The following IDH3B variants were observed in gnomAD, a reference collection of about 807,000 sequenced individuals.
IDH3B encodes isocitrate dehydrogenase [NAD] subunit beta, mitochondrial.
In IDH3B, 40 loss-of-function variants were observed where a neutral mutation model predicts 47.5. The ratio of observed to expected loss-of-function variants is 0.84; its 90% confidence interval spans 0.65 to 1.10. IDH3B has a LOEUF of 1.10. IDH3B is among the 50% of genes least tolerant of loss of function. The pLI is 0.00. For synonymous variants in IDH3B, 185 were observed against 191.0 expected, an observed-to-expected ratio of 0.97 and a Z score of 0.26; for missense variants, 450 against 505.2, an observed-to-expected ratio of 0.89 and a Z score of 1.05.
At chr20:2,663,341 C>G in intron 4 of IDH3B, 105 bp downstream of exon 4, 1 of 1,359,280 alleles carries the variant, frequency 7.4e-7, no homozygotes. Flanking sequence ...GGTGGTTGCC[C>G]TGGAGTTAAT....
At chr20:2,659,908 G>T in intron 9 of IDH3B, 115 bp from the exon 10 acceptor site, 1 of 1,462,570 alleles carries the variant, frequency 6.8e-7, no homozygotes, top group South Asian at 1.1e-5. Flanking sequence ...ACTGAAAAGA[G>T]GCATGGTGGG....
In IDH3B at chr20:2,658,830, GTC is replaced by G; in HGVS notation, c.1077_1078del (p.Thr360SerfsTer23). ...GGTGCTGTAGCCGCCCATGTCTCGA[GTC>G]CGCACCTACAGCCACCACCGGCAAC... is the stretch of plus-strand genomic sequence containing the variant. On this transcript the variant is annotated frameshift_variant, in exon 12 of 12. Transcript: ENST00000380843. LOFTEE classifies it high-confidence loss of function. 1 of 1,614,084 alleles carries G rather than the reference GTC, an allele frequency of 6.2e-7. No homozygotes were observed. The highest frequency in any genetic ancestry group is 8.5e-7 in the Non-Finnish European group (1 of 1,180,028).
In IDH3B at chr20:2,659,794, C is replaced by T; in HGVS notation, c.916-1G>A. 1.9e-6 allele frequency: 3 copies of T among 1,611,308 alleles called. No homozygotes were observed. Among genetic ancestry groups the T allele is most frequent in the Non-Finnish European group, 2.5e-6 (3 of 1,177,442 alleles). On this transcript the variant is annotated splice_acceptor_variant, in intron 9 of 11. Transcript: ENST00000380843. LOFTEE classifies it high-confidence loss of function. ...CCTGGGCAAATGGGTGCCGGGCACC[C>T]TGTGGAGAGAGGGGCAGGCTAGACA...
chr20:2,663,950 G>A lies in IDH3B; in HGVS notation c.92C>T (p.Ala31Val). ...GAWRGLSTSAAAHAASRSQAE... is the reference protein window; with the variant it reads ...GAWRGLSTSAVAHAASRSQAE... ...CTGGCTCCGCGATGCAGCGTGCGCC[G>A]CGGCCGAGGTACTCAGACCTCTCCA... The change falls in exon 2 of 12, where the codon GCG becomes GTG. Residue 31 changes from alanine (A) to valine (V), a missense_variant. Physicochemically the swap from Ala to Val is moderately conservative, Grantham distance 64. Transcript: ENST00000380843. 1.2e-6 allele frequency: 2 copies of A among 1,614,096 alleles called. No individual in the cohort carries two copies. Among genetic ancestry groups the A allele is most frequent in the Non-Finnish European group, 1.7e-6 (2 of 1,180,018 alleles).
Position 2,663,756 on chromosome 20 carries a change from G to A in IDH3B, c.120C>T (p.Ala40=), listed in dbSNP as rs150070871. ...AAAHAASRSQ[A]EDVRVEGSFP... ...AGGAGCCCTCCACCCTCACGTCCTC[G>A]GCCTCAATTGGGGGAAGAGGGGAGA... is the stretch of plus-strand genomic sequence containing the variant. Residue 40 remains alanine (A), a splice_region_variant and synonymous_variant, in exon 3 of 12, where the codon GCC becomes GCT. Coordinates refer to ENST00000380843, the MANE Select transcript of IDH3B (RefSeq NM_006899.5). The A allele has an allele frequency of 5.0e-6, 8 of 1,613,880 alleles. No individual in the cohort carries two copies. In the African/African-American group the frequency reaches 9.3e-5, roughly 19 times the overall value.
chr20:2,663,372 GA>G (rs1172734184), intron 4 of IDH3B, 73 bp downstream of exon 4: 1 of 1,549,566 alleles, frequency 6.5e-7, no homozygotes, highest in Non-Finnish European at 8.9e-7. Context: ...AGCATGTGGG[GA>G]GAAGGGCTTA....
chr20:2,662,725 C>T (rs1051520206), intron 4 of IDH3B, among the ~76,000 whole-genome samples: 13 of 151,838 alleles, frequency 8.6e-5, no homozygotes, highest in African/African-American at 2.2e-4. Flanking sequence ...GAGGCCAAGG[C>T]GGGCAGATCA....
chr20:2,663,733 G>A lies in IDH3B; in HGVS notation c.143C>T (p.Ser48Phe), dbSNP rs1318009865. The A allele has an allele frequency of 6.2e-7, 1 of 1,614,200 alleles. No homozygotes were observed. Among genetic ancestry groups the A allele is most frequent in the African/African-American group, 1.3e-5 (1 of 75,058 alleles). ...SQAEDVRVEG[S>F]FPVTMLPGDG... ...TCCCGGAAGCATGGTCACGGGAAAG[G>A]AGCCCTCCACCCTCACGTCCTCGGC... Residue 48 changes from serine to phenylalanine, a missense_variant, in exon 3 of 12, where the codon TCC becomes TTC. Transcript: ENST00000380843.
Position 2,659,808 on chromosome 20 carries a change from G to A in IDH3B, c.916-15C>T. On this transcript the variant is annotated splice_polypyrimidine_tract_variant and intron_variant, in intron 9 of 11. Transcript: ENST00000380843. ...TGCCGGGCACCCTGTGGAGAGAGGG[G>A]CAGGCTAGACACTGGGAGGAGGCAG... 2 of 1,597,390 alleles carry A rather than the reference G, an allele frequency of 1.3e-6. No homozygotes were observed. The highest frequency in any genetic ancestry group is 2.2e-5 in the South Asian group (2 of 90,744).
intron 1 of IDH3B, 34 bp downstream of exon 1, chr20:2,664,119 G>T (rs753830567): frequency 2.5e-6 from 4 of 1,607,168 alleles, no homozygotes; most frequent in Non-Finnish European, 3.4e-6. Flanking sequence ...CCGCTCCTTC[G>T]CCCGCCCCTG....
chr20:2,659,959 GA>G, intron 9 of IDH3B, 70 bp downstream of exon 9: 1 of 1,590,242 alleles, frequency 6.3e-7, no homozygotes. Context: ...TTAGGAAGTG[GA>G]GATATTGGGA....
At chr20:2,663,602 G>A in intron 3 of IDH3B, 36 bp from the exon 4 acceptor site, 2 of 1,614,118 alleles carry the variant, frequency 1.2e-6, no homozygotes, top group East Asian at 2.2e-5. Flanking sequence ...CACAGTCAAG[G>A]CCAAGTCCTT....
intron 2 of IDH3B, 41 bp from the exon 3 acceptor site, chr20:2,663,799 G>A (rs1187027940): frequency 2.1e-5 from 33 of 1,608,422 alleles, no homozygotes; most frequent in Non-Finnish European, 2.6e-5. Context: ...ATAGAGCTGG[G>A]GCGGGAGCAC....
At position 2,660,858 on chromosome 20, in the gene IDH3B, C is replaced by T. The variant is rs946590951; in HGVS notation, c.399-29G>A. 3.7e-6 allele frequency: 6 copies of T among 1,614,186 alleles called. No homozygotes were observed. The highest frequency in any genetic ancestry group is 4.5e-5 in the East Asian group (2 of 44,878). ...AGGGTGGGCAGGGCCATCAGCTCTG[C>T]TCCTGGTGCCCTGGCACCTCTCAAC... On this transcript the variant is annotated intron_variant, in intron 5 of 11. Transcript: ENST00000380843. This position sits in a 1 kb window ranked among gnomAD's most constrained non-coding sequence, Gnocchi z 5.6.
chr20:2,660,831 T>C lies in IDH3B; in HGVS notation c.399-2A>G. Reference sequence around the variant, plus strand: ...TTGGCAAATAAGTCCAACTTACGCCTGAGGGTGGGCAGGGCCATCAGCTCT... The same window carrying C: ...TTGGCAAATAAGTCCAACTTACGCCCGAGGGTGGGCAGGGCCATCAGCTCT... On this transcript the variant is annotated splice_acceptor_variant, in intron 5 of 11. Transcript: ENST00000380843. LOFTEE classifies it high-confidence loss of function. The surrounding 1 kb of genome is among the most constrained non-coding windows in gnomAD (Gnocchi z 5.6). 1 of 1,614,192 alleles carries C rather than the reference T, an allele frequency of 6.2e-7. No individual in the cohort carries two copies. Among genetic ancestry groups the C allele is most frequent in the Non-Finnish European group, 8.5e-7 (1 of 1,180,038 alleles).
At chr20:2,662,403 A>G (rs1460964068) in intron 4 of IDH3B, among the ~76,000 whole-genome samples, 1 of 152,220 alleles carries the variant, frequency 6.6e-6, no homozygotes, top group African/African-American at 2.4e-5. Context: ...TGACTTTCCT[A>G]TGGTAAGGCT....
chr20:2,660,715 G>A lies in IDH3B; in HGVS notation c.513C>T (p.Tyr171=), dbSNP rs1600169736. The change falls in exon 6 of 12, where the codon TAC becomes TAT. Residue 171 remains tyrosine (Y), a synonymous_variant. Coordinates refer to ENST00000380843, the MANE Select transcript of IDH3B (RefSeq NM_006899.5). This position sits in a 1 kb window ranked among gnomAD's most constrained non-coding sequence, Gnocchi z 5.6. ...VIIREQTEGE[Y]SSLEHESARG... ...GCCTCACCTCATGTTCCAGAGAGCT[G>A]TACTCCCCTTCTGTCTGCTCTCGAA... 1.2e-6 allele frequency: 2 copies of A among 1,614,160 alleles called. No homozygotes were observed. The highest frequency in any genetic ancestry group is 1.7e-6 in the Non-Finnish European group (2 of 1,180,038).
At chr20:2,663,872 C>A in intron 2 of IDH3B, 53 bp downstream of exon 2, 1 of 1,598,808 alleles carries the variant, frequency 6.3e-7, no homozygotes, top group African/African-American at 1.3e-5. Context: ...GGGGAGGGAG[C>A]AGCGAGGAAG....
rs2086870059 is a variant in IDH3B at position 2,658,727 on chromosome 20, C to T, written c.*24G>A. 6.2e-7 allele frequency: 1 copy of T among 1,614,022 alleles called. No homozygotes were observed. The highest frequency in any genetic ancestry group is 1.7e-5 in the Admixed American group (1 of 60,000). On this transcript the variant is annotated 3_prime_UTR_variant, in exon 12 of 12. Transcript: ENST00000380843. ...AAGGGTATGGGGAGTGTGGTCCTTG[C>T]AAGGTTGGAAGAAATAAAGGGCTCT...
Sources: allele counts gnomAD v4.1 joint callset (sites outside exome capture counted in the v4.1 genomes callset), GRCh38; gene constraint gnomAD v4.1.1; non-coding constraint Gnocchi (gnomAD v3.1); transcripts MANE v1.5; gene names NCBI Gene and HGNC (gene_info 2026-07-23, HGNC 2026-07-21).